The following EYA2 variants were observed in gnomAD, a reference collection of about 807,000 sequenced individuals.
EYA2 encodes EYA transcriptional coactivator and phosphatase 2, also known as protein phosphatase EYA2.
A neutral mutation model predicts 69.2 loss-of-function variants in EYA2; 31 were observed. That is an observed-to-expected ratio of 0.45 (90% CI 0.34 to 0.60). The LOEUF is 0.60. EYA2 is among the 20% of genes least tolerant of loss of function. The pLI is 0.02. For synonymous variants in EYA2, 257 were observed against 279.4 expected, an observed-to-expected ratio of 0.92 and a Z score of 0.80; for missense variants, 622 against 701.2, an observed-to-expected ratio of 0.89 and a Z score of 1.28.
chr20:47,016,127 A>G, intron 4 of EYA2, 54 bp from the exon 5 acceptor site: 3 of 1,288,762 alleles, frequency 2.3e-6, no homozygotes, highest in Middle Eastern at 3.7e-4. Flanking sequence ...GGTGACAAGG[A>G]CGCATCCTAA....
chr20:47,000,881 A>T (rs1195376506), intron 2 of EYA2, among the ~76,000 whole-genome samples: 1 of 152,142 alleles, frequency 6.6e-6, no homozygotes, highest in Admixed American at 6.5e-5. Context: ...ATGGACTGGA[A>T]GTGAGGAGGC....
intron 10 of EYA2, among the ~76,000 whole-genome samples, chr20:47,164,579 A>G (rs928892798): frequency 6.6e-6 from 1 of 152,072 alleles, no homozygotes; most frequent in African/African-American, 2.4e-5. Flanking sequence ...TGCCGTTTAA[A>G]TCCCATTTTC....
At chr20:47,082,097 C>T (rs373728088) in intron 7 of EYA2, among the ~76,000 whole-genome samples, 2 of 152,186 alleles carry the variant, frequency 1.3e-5, no homozygotes, top group East Asian at 1.9e-4. Flanking sequence ...GCCTCAGCCT[C>T]GCAAAGTGCT....
intron 1 of EYA2, among the ~76,000 whole-genome samples, chr20:46,945,720 G>C (rs1207273712): frequency 6.6e-6 from 1 of 152,244 alleles, no homozygotes; most frequent in Non-Finnish European, 1.5e-5. Flanking sequence ...TTCTGGGCGT[G>C]TTACAGGAAG....
chr20:46,930,808 T>C (rs955688072), intron 1 of EYA2, among the ~76,000 whole-genome samples: 2 of 152,216 alleles, frequency 1.3e-5, no homozygotes, highest in Non-Finnish European at 2.9e-5. Flanking sequence ...ACGCGTTGAC[T>C]CTGTGCCAGG....
chr20:47,065,904 C>T (rs142068781), intron 5 of EYA2, among the ~76,000 whole-genome samples: 1 of 152,324 alleles, frequency 6.6e-6, no homozygotes, highest in African/African-American at 2.4e-5. Flanking sequence ...GTCTGTCTCT[C>T]TTACCTGAAT....
intron 1 of EYA2, among the ~76,000 whole-genome samples, chr20:46,981,741 G>C (rs1029412982): frequency 6.6e-6 from 1 of 152,020 alleles, no homozygotes; most frequent in African/African-American, 2.4e-5. Context: ...AATCTATTTG[G>C]GGTATTGTGT....
chr20:46,929,841 A>AT (rs775007584), intron 1 of EYA2, among the ~76,000 whole-genome samples: 45 of 152,124 alleles, frequency 3.0e-4, no homozygotes, highest in African/African-American at 9.9e-4. Flanking sequence ...AAAAAAAAAA[A>AT]TTGAGTAGTG....
At chr20:46,973,266 A>G (rs1049594057) in intron 1 of EYA2, among the ~76,000 whole-genome samples, 2 of 152,238 alleles carry the variant, frequency 1.3e-5, no homozygotes, top group Non-Finnish European at 2.9e-5. Flanking sequence ...ACAGACAAAT[A>G]CAGAACGTGA....
intron 4 of EYA2, among the ~76,000 whole-genome samples, chr20:47,013,105 T>C (rs1983179193): frequency 6.6e-6 from 1 of 152,200 alleles, no homozygotes; most frequent in Non-Finnish European, 1.5e-5. Flanking sequence ...TAGTCATTCA[T>C]TTACCAGACA....
At chr20:47,167,502 T>A (rs1160409280) in intron 10 of EYA2, among the ~76,000 whole-genome samples, 2 of 151,956 alleles carry the variant, frequency 1.3e-5, no homozygotes, top group African/African-American at 4.8e-5. Context: ...CAGGCTGGTC[T>A]CAAACTCCTG....
chr20:47,118,266 A>G (rs1373621753), intron 9 of EYA2, among the ~76,000 whole-genome samples: 1 of 152,190 alleles, frequency 6.6e-6, no homozygotes, highest in Non-Finnish European at 1.5e-5. Context: ...CAGCTGAGTA[A>G]AAGGTGTTTA....
chr20:47,085,550 G>A (rs946196521), intron 7 of EYA2, among the ~76,000 whole-genome samples: 3 of 151,914 alleles, frequency 2.0e-5, no homozygotes, highest in Non-Finnish European at 4.4e-5. Context: ...GGAGGCCAAG[G>A]CAGGAGAATC....
chr20:47,154,056 G>A (rs966941460), intron 10 of EYA2, among the ~76,000 whole-genome samples: 3 of 151,976 alleles, frequency 2.0e-5, no homozygotes, highest in African/African-American at 4.8e-5. Context: ...ACCATGGAGC[G>A]GGTGGCTTAC....
intron 1 of EYA2, among the ~76,000 whole-genome samples, chr20:46,937,067 CA>C (rs1985941770): frequency 6.6e-6 from 1 of 152,122 alleles, no homozygotes; most frequent in East Asian, 1.9e-4. Context: ...AAGAAAGAGA[CA>C]ACACTGCTCT....
At chr20:46,965,498 T>A in intron 1 of EYA2, among the ~76,000 whole-genome samples, 1 of 152,236 alleles carries the variant, frequency 6.6e-6, no homozygotes, top group Non-Finnish European at 1.5e-5. Flanking sequence ...GGGAAGCCTC[T>A]GAGAGAGCTG....
intron 10 of EYA2, chr20:47,161,633 C>T (rs2034068568): frequency 4.7e-6 from 1 of 214,062 alleles, no homozygotes; most frequent in Non-Finnish European, 9.4e-6. Flanking sequence ...CCCCGATGCC[C>T]CTGCTGAAGC....
intron 10 of EYA2, among the ~76,000 whole-genome samples, chr20:47,168,628 T>C (rs2034255287): frequency 2.0e-5 from 3 of 151,728 alleles, no homozygotes; most frequent in Admixed American, 6.5e-5. Flanking sequence ...TAAATGATGA[T>C]CACAGATCAT....
At chr20:47,173,525 AAAAAAAAC>A (rs1220130176) in intron 12 of EYA2, among the ~76,000 whole-genome samples, 41 of 150,854 alleles carry the variant, frequency 2.7e-4, no homozygotes, top group African/African-American at 8.1e-4. Context: ...AAAAAAAAAA[AAAAAAAAC>A]GTGCAGGGTC....
Sources: allele counts gnomAD v4.1 joint callset (sites outside exome capture counted in the v4.1 genomes callset), GRCh38; gene constraint gnomAD v4.1.1; transcripts MANE v1.5; gene names NCBI Gene and HGNC (gene_info 2026-07-23, HGNC 2026-07-21).